The following SAMD5 variants were observed in gnomAD, a reference collection of about 807,000 sequenced individuals.
SAMD5 encodes the protein sterile alpha motif domain-containing protein 5.
In SAMD5, 13 loss-of-function variants were observed where a neutral mutation model predicts 11.3. The observed-to-expected ratio is 1.15, with a 90% CI of 0.75 to 1.83. The LOEUF is 1.83. Ranked by LOEUF, SAMD5 falls within the 40% of genes most tolerant of loss-of-function variation. SAMD5 has a pLI of 0.00. For synonymous variants in SAMD5, 129 were observed against 111.3 expected, an observed-to-expected ratio of 1.16 and a Z score of -1.00; for missense variants, 255 against 239.1, an observed-to-expected ratio of 1.07 and a Z score of -0.44.
At chr6:147,904,570 T>C in the SAMD5 span, among the ~76,000 whole-genome samples, 1 of 152,182 alleles carries the variant, frequency 6.6e-6, no homozygotes, top group Non-Finnish European at 1.5e-5. Context: ...CTCATACACT[T>C]ATACTCATGA....
chr6:147,635,321 C>A (rs1790213325), intron 1 of SAMD5, among the ~76,000 whole-genome samples: 1 of 152,162 alleles, frequency 6.6e-6, no homozygotes, highest in Admixed American at 6.5e-5. Flanking sequence ...GTGCCCAGGG[C>A]ACTATGTGAC....
At chr6:147,913,319 G>A in the SAMD5 span, among the ~76,000 whole-genome samples, 1 of 152,234 alleles carries the variant, frequency 6.6e-6, no homozygotes, top group Non-Finnish European at 1.5e-5. Context: ...GCAAATATTG[G>A]TATGGATGAA....
At chr6:147,674,518 C>G (rs1790837472) in intron 1 of SAMD5, among the ~76,000 whole-genome samples, 1 of 152,186 alleles carries the variant, frequency 6.6e-6, no homozygotes, top group African/African-American at 2.4e-5. Context: ...CTTCTCAATG[C>G]ACTCCAACCA....
At chr6:147,703,213 G>A (rs1791280157) in intron 1 of SAMD5, among the ~76,000 whole-genome samples, 1 of 152,026 alleles carries the variant, frequency 6.6e-6, no homozygotes, top group Non-Finnish European at 1.5e-5. Flanking sequence ...GATTACAGGT[G>A]CCTGCCACCA....
intron 1 of SAMD5, among the ~76,000 whole-genome samples, chr6:147,697,435 G>A (rs1486194799): frequency 6.6e-6 from 1 of 152,118 alleles, no homozygotes; most frequent in African/African-American, 2.4e-5. Context: ...AGAAAACATG[G>A]GGTATGTAGG....
chr6:147,687,264 CCT>C (rs71552984), intron 1 of SAMD5, among the ~76,000 whole-genome samples: 95,666 of 135,530 alleles, frequency 0.71, 34,323 homozygotes, highest in South Asian at 0.76. Context: ...CCCTTCCTTT[CCT>C]CTCCTCCTTC....
chr6:147,842,780 T>C, the SAMD5 span, among the ~76,000 whole-genome samples: 1 of 152,248 alleles, frequency 6.6e-6, no homozygotes, highest in Non-Finnish European at 1.5e-5. Context: ...GTTGCACATA[T>C]CTTGAAATAG....
chr6:147,617,652 G>A (rs1789893061), intron 1 of SAMD5, among the ~76,000 whole-genome samples: 3 of 152,186 alleles, frequency 2.0e-5, no homozygotes, highest in Non-Finnish European at 4.4e-5. Flanking sequence ...TAGCTTATGG[G>A]GGTCTCTTTC....
At chr6:147,745,476 T>C in the SAMD5 span, among the ~76,000 whole-genome samples, 11 of 152,326 alleles carry the variant, frequency 7.2e-5, no homozygotes, top group Middle Eastern at 3.4e-3. Context: ...GGTCCGATTA[T>C]TATACCCGTT....
At chr6:147,583,334 T>C (rs1184575645) in intron 1 of SAMD5, among the ~76,000 whole-genome samples, 1 of 152,222 alleles carries the variant, frequency 6.6e-6, no homozygotes, top group African/African-American at 2.4e-5. Context: ...GGAATTAATG[T>C]GAGAATTTGG....
chr6:147,643,736 G>A (rs1790347930), intron 1 of SAMD5, among the ~76,000 whole-genome samples: 3 of 124,028 alleles, frequency 2.4e-5, no homozygotes. Context: ...AGAGAAAGAG[G>A]GAAGGAAAGA....
chr6:147,922,483 C>G, the SAMD5 span, among the ~76,000 whole-genome samples: 3 of 152,132 alleles, frequency 2.0e-5, no homozygotes, highest in East Asian at 1.9e-4. Context: ...CTCTGCCCCT[C>G]TACGCTAAAA....
chr6:147,743,074 T>C, the SAMD5 span: 1 of 152,208 alleles, frequency 6.6e-6, no homozygotes, highest in Non-Finnish European at 1.5e-5. Flanking sequence ...AACCCATCAA[T>C]TTATGAAAGT....
the SAMD5 span, among the ~76,000 whole-genome samples, chr6:147,847,076 C>T: frequency 3.3e-4 from 50 of 152,268 alleles, no homozygotes; most frequent in East Asian, 6.4e-3. Flanking sequence ...ACAAACAAGC[C>T]GATGCAAGCT....
intron 1 of SAMD5, among the ~76,000 whole-genome samples, chr6:147,518,694 T>C (rs916189444): frequency 6.6e-6 from 1 of 152,196 alleles, no homozygotes; most frequent in South Asian, 2.1e-4. Flanking sequence ...TTCTCAAGTT[T>C]ATAGCGTGTG....
intron 1 of SAMD5, among the ~76,000 whole-genome samples, chr6:147,684,710 A>G (rs1790985029): frequency 6.6e-6 from 1 of 152,222 alleles, no homozygotes; most frequent in Non-Finnish European, 1.5e-5. Context: ...AAAATTGAAC[A>G]TCTTTTTCCT....
chr6:147,870,406 A>G, the SAMD5 span, among the ~76,000 whole-genome samples: 1 of 146,790 alleles, frequency 6.8e-6, no homozygotes, highest in Admixed American at 6.9e-5. Flanking sequence ...CCACAGAAGC[A>G]CTCTATTTTC....
chr6:147,727,205 C>T (rs1414817901), intron 1 of SAMD5, among the ~76,000 whole-genome samples: 1 of 152,162 alleles, frequency 6.6e-6, no homozygotes, highest in Non-Finnish European at 1.5e-5. Flanking sequence ...ATTTCCTGAA[C>T]AGATCATGCA....
At chr6:147,677,733 T>C (rs747727115) in intron 1 of SAMD5, among the ~76,000 whole-genome samples, 3 of 152,024 alleles carry the variant, frequency 2.0e-5, no homozygotes, top group Non-Finnish European at 2.9e-5. Context: ...ACATCGGCAC[T>C]GTAAAGGGAT....
Sources: gnomAD v4.1 joint callset for allele counts (sites outside exome capture counted in the v4.1 genomes callset) on GRCh38, gnomAD v4.1.1 for gene constraint, MANE v1.5 for transcripts, NCBI Gene and HGNC (gene_info 2026-07-23, HGNC 2026-07-21) for gene names.